The following CHRNA1 variants were observed in gnomAD, a reference collection of about 807,000 sequenced individuals.
CHRNA1 encodes the protein acetylcholine receptor subunit alpha.
Under a neutral mutation model 47.1 loss-of-function variants are expected in CHRNA1, and 35 were observed. That is an observed-to-expected ratio of 0.74 (90% confidence interval 0.57 to 0.99). The LOEUF (loss-of-function observed/expected upper bound fraction) is 0.99. CHRNA1 is among the 50% of genes least tolerant of loss of function. CHRNA1 has a pLI of 0.00. For missense variants in CHRNA1, 506 were observed against 591.1 expected, an observed-to-expected ratio of 0.86 and a Z score of 1.49; for synonymous variants, 229 against 223.6, an observed-to-expected ratio of 1.02 and a Z score of -0.22.
At chr2:174,750,790 G>C (rs1410805088) in intron 6 of CHRNA1, among the ~76,000 whole-genome samples, 2 of 152,078 alleles carry the variant, frequency 1.3e-5, no homozygotes, top group South Asian at 2.1e-4. Context: ...TTCATCTCAT[G>C]CTCCAGATTT....
intron 7 of CHRNA1, 98 bp from the exon 8 acceptor site, chr2:174,748,917 T>C (rs1213807578): frequency 1.3e-6 from 2 of 1,517,150 alleles, no homozygotes; most frequent in Non-Finnish European, 1.8e-6. Flanking sequence ...GGTAAGTCAT[T>C]CAGTTTTTCT....
chr2:174,748,861 G>A, intron 7 of CHRNA1, 42 bp from the exon 8 acceptor site: 1 of 1,609,970 alleles, frequency 6.2e-7, no homozygotes, highest in Non-Finnish European at 8.5e-7. Context: ...TTATTGTCCA[G>A]GAGGCAAGCA....
At chr2:174,756,567 C>T (rs189377131) in intron 4 of CHRNA1, among the ~76,000 whole-genome samples, 2 of 152,254 alleles carry the variant, frequency 1.3e-5, no homozygotes, top group African/African-American at 4.8e-5. Flanking sequence ...GGCAAAAGAA[C>T]CAAAGGATTT....
chr2:174,763,781 T>C (rs776314944), intron 1 of CHRNA1, among the ~76,000 whole-genome samples: 4 of 151,666 alleles, frequency 2.6e-5, no homozygotes, highest in Non-Finnish European at 4.4e-5. Context: ...TGTATTCATA[T>C]GGAATTTTTT....
chr2:174,753,767 TC>T (rs1683911193), intron 5 of CHRNA1, 27 bp from the exon 6 acceptor site: 1 of 1,610,710 alleles, frequency 6.2e-7, no homozygotes. Context: ...GGTTTGGAAA[TC>T]CCAGGCAGGT....
intron 4 of CHRNA1, among the ~76,000 whole-genome samples, chr2:174,755,686 G>T (rs1683969054): frequency 6.6e-6 from 1 of 152,114 alleles, no homozygotes; most frequent in South Asian, 2.1e-4. Context: ...CCAAAGTGCT[G>T]GGATTACAGG....
At chr2:174,758,206 C>G (rs542921361) in intron 3 of CHRNA1, among the ~76,000 whole-genome samples, 1 of 152,090 alleles carries the variant, frequency 6.6e-6, no homozygotes, top group Non-Finnish European at 1.5e-5. Context: ...GTCAGGAGTT[C>G]GAGACCAGCC....
chr2:174,754,233 C>G lies in CHRNA1; in HGVS notation c.526G>C (p.Val176Leu), dbSNP rs137852799. 1.2e-6 allele frequency: 2 copies of G among 1,613,524 alleles called. No homozygotes were observed. Among genetic ancestry groups the G allele is most frequent in the South Asian group, 2.2e-5 (2 of 91,050 alleles). The change falls in exon 5 of 9, where the codon GTG becomes CTG. Residue 176 changes from valine to leucine, a missense_variant. Physicochemically the swap from Val to Leu is conservative, Grantham distance 32. Transcript: ENST00000348749. The part of the protein sequence containing the change: ...LGTWTYDGSV[V>L]AINPESDQPD... The stretch of plus-strand genomic sequence containing the variant: ...CCACCACCTACCGGGTTGATGGCCA[C>G]GACAGAGCCGTCGTAGGTCCAGGTG...
At chr2:174,753,785 G>A in intron 5 of CHRNA1, 45 bp from the exon 6 acceptor site, 1 of 1,579,746 alleles carries the variant, frequency 6.3e-7, no homozygotes, top group Admixed American at 1.7e-5. Flanking sequence ...AGGTCACCCT[G>A]ATGAGGGGCA....
intron 6 of CHRNA1, among the ~76,000 whole-genome samples, chr2:174,750,885 G>A (rs974616333): frequency 4.6e-5 from 7 of 152,104 alleles, no homozygotes; most frequent in African/African-American, 1.4e-4. Context: ...TCTGCAGCAG[G>A]ATGCATTAAA....
In CHRNA1 at chr2:174,755,609, G is replaced by A. The variant is rs36043339; in HGVS notation, c.345-1195C>T. Among the ~76,000 whole-genome samples the A allele has an allele frequency of 7.2e-5, 11 of 151,758 alleles. No individual in the cohort carries two copies. The South Asian group carries it at 1.3e-3, about 17-fold the overall frequency. On this transcript the variant is annotated intron_variant, in intron 4 of 8. Transcript: ENST00000348749. ...AATTTTTTGTATTTTTAGTAGAGAC[G>A]GGGTTTCACCATGTTAGCCAGGATG...
intron 3 of CHRNA1, among the ~76,000 whole-genome samples, 173 bp downstream of exon 3, chr2:174,759,158 T>C (rs1348017148): frequency 6.6e-6 from 1 of 151,946 alleles, no homozygotes; most frequent in African/African-American, 2.4e-5. Flanking sequence ...AGCCCTAAAG[T>C]TTAAAAAAAA....
At chr2:174,753,769 C>A in intron 5 of CHRNA1, 29 bp from the exon 6 acceptor site, 1 of 1,609,094 alleles carries the variant, frequency 6.2e-7, no homozygotes, top group Non-Finnish European at 8.5e-7. Context: ...TTTGGAAATC[C>A]CAGGCAGGTC....
At chr2:174,761,689 A>T (rs140225575) in intron 1 of CHRNA1, among the ~76,000 whole-genome samples, 246 of 152,262 alleles carry the variant, frequency 1.6e-3, no homozygotes, top group African/African-American at 5.5e-3. Flanking sequence ...TTCACATGAC[A>T]TTTCCCTAAA....
chr2:174,761,388 C>A (rs1232862847), intron 1 of CHRNA1, among the ~76,000 whole-genome samples: 1 of 152,116 alleles, frequency 6.6e-6, no homozygotes, highest in Admixed American at 6.5e-5. Flanking sequence ...TCAAGCAATC[C>A]TCCCACCTTA....
chr2:174,753,740 C>G lies in CHRNA1; in HGVS notation c.541G>C (p.Glu181Gln), dbSNP rs1435415376. The G allele has an allele frequency of 6.2e-7, 1 of 1,613,886 alleles. No homozygotes were observed. The highest frequency in any genetic ancestry group is 1.3e-5 in the African/African-American group (1 of 75,012). The change falls in exon 6 of 9, where the codon GAA becomes CAA. Residue 181 changes from glutamate to glutamine, a missense_variant and splice_region_variant. Physicochemically the swap from Glu to Gln is conservative, Grantham distance 29. Coordinates refer to ENST00000348749, the MANE Select transcript of CHRNA1 (RefSeq NM_000079.4). ...YDGSVVAINP[E>Q]SDQPDLSNFM... is the part of the protein sequence containing the mutation. ...TTGCTCAGGTCTGGCTGGTCGCTTT[C>G]CTGAGAAAGGAAGTGAGGTTTGGAA...
chr2:174,757,488 AG>A, intron 4 of CHRNA1, 77 bp downstream of exon 4: 1 of 996,924 alleles, frequency 1.0e-6, no homozygotes, highest in Non-Finnish European at 1.6e-6. Flanking sequence ...AAGCATTCCG[AG>A]CGCGCAGCCC....
At chr2:174,751,328 G>A (rs1216341664) in intron 6 of CHRNA1, among the ~76,000 whole-genome samples, 3 of 127,498 alleles carry the variant, frequency 2.4e-5, no homozygotes, top group Admixed American at 8.3e-5. Context: ...GCTCTGGGAG[G>A]GACTTTCCCT....
At position 174,754,063 on chromosome 2, in the gene CHRNA1, C is replaced by T. The variant is rs190566007; in HGVS notation, c.540+156G>A. 2.2e-3 allele frequency among the ~76,000 whole-genome samples: 334 copies of T among 152,268 alleles called. 2 individuals carry two copies. The highest frequency in any genetic ancestry group is 4.2e-3 in the Non-Finnish European group (287 of 68,020). The stretch of plus-strand genomic sequence containing the variant: ...GGTGTAGCAAATTAATTTAAGCTCC[C>T]ATTTAGTTCTCCCTTCCCAATCAAC... On this transcript the variant is annotated intron_variant, in intron 5 of 8. Transcript: ENST00000348749.
Sources: gnomAD v4.1 joint callset for allele counts (sites outside exome capture counted in the v4.1 genomes callset) on GRCh38, gnomAD v4.1.1 for gene constraint, MANE v1.5 for transcripts, NCBI Gene and HGNC (gene_info 2026-07-23, HGNC 2026-07-21) for gene names.